Variants in CHSY3 observed in about 807,000 individuals in gnomAD.
CHSY3 encodes the protein chondroitin sulfate synthase 3.
Under a neutral mutation model 67.2 loss-of-function variants are expected in CHSY3, and 35 were observed. That is an observed-to-expected ratio of 0.52 (90% CI 0.40 to 0.69). CHSY3 has a LOEUF of 0.69. Among genes scored for constraint, CHSY3 ranks in the 30% least tolerant of loss-of-function variants. The pLI is 0.00. For missense variants in CHSY3, 1,069 were observed against 1,138.5 expected (o/e 0.94, Z 0.88); for synonymous variants, 474 against 434.7 (o/e 1.09, Z -1.12).
At chr5:130,066,718 A>G (rs1407346575) in intron 2 of CHSY3, among the ~76,000 whole-genome samples, 1 of 152,100 alleles carries the variant, frequency 6.6e-6, no homozygotes. Context: ...TAACTTTTCC[A>G]TGGAGAAAAT....
intron 2 of CHSY3, among the ~76,000 whole-genome samples, chr5:130,067,898 TGTA>T: frequency 6.6e-6 from 1 of 152,294 alleles, no homozygotes; most frequent in African/African-American, 2.4e-5. Flanking sequence ...CCAAAATAAA[TGTA>T]GAACTTTTTA....
intron 2 of CHSY3, among the ~76,000 whole-genome samples, chr5:130,050,767 C>T (rs999505283): frequency 1.3e-5 from 2 of 152,026 alleles, no homozygotes; most frequent in African/African-American, 4.8e-5. Context: ...TACTCATCTA[C>T]GCATACATAT....
chr5:130,057,180 T>C (rs897202604), intron 2 of CHSY3, among the ~76,000 whole-genome samples: 1 of 151,944 alleles, frequency 6.6e-6, no homozygotes, highest in African/African-American at 2.4e-5. Context: ...CACCTCAGCC[T>C]CCCAAAGTGC....
chr5:129,980,309 A>C (rs1007774855), intron 2 of CHSY3, among the ~76,000 whole-genome samples: 4 of 152,138 alleles, frequency 2.6e-5, no homozygotes, highest in Admixed American at 2.6e-4. Flanking sequence ...TTCTTGTTTT[A>C]ATTTGTATTT....
Position 130,134,381 on chromosome 5 carries a change from CA to C in CHSY3, c.1087-49841del, listed in dbSNP as rs566370065. 2.1e-3 allele frequency among the ~76,000 whole-genome samples: 321 copies of C among 152,068 alleles called. 1 individual carries two copies. Among genetic ancestry groups the C allele is most frequent in the African/African-American group, 6.8e-3 (281 of 41,476 alleles). On this transcript the variant is annotated intron_variant, in intron 2 of 2. Coordinates refer to ENST00000305031, the MANE Select transcript of CHSY3 (RefSeq NM_175856.5). Reference sequence around the variant, plus strand: ...AAAAGTAAGATATTTTGGTAGCACACAAAAAAAGTTTAGGATCATTTCTTTG... The same window carrying C: ...AAAAGTAAGATATTTTGGTAGCACACAAAAAAGTTTAGGATCATTTCTTTG...
chr5:130,000,902 T>TC (rs1255352981), intron 2 of CHSY3, among the ~76,000 whole-genome samples: 4 of 146,584 alleles, frequency 2.7e-5, no homozygotes, highest in African/African-American at 1.0e-4. Context: ...TTTTTTTTTT[T>TC]CTCCAAGACA....
At chr5:130,153,707 C>T (rs985860509) in intron 2 of CHSY3, among the ~76,000 whole-genome samples, 4 of 152,140 alleles carry the variant, frequency 2.6e-5, no homozygotes, top group African/African-American at 9.7e-5. Flanking sequence ...AGCACTGCTG[C>T]CAAGCCTCTG....
intron 2 of CHSY3, among the ~76,000 whole-genome samples, chr5:129,926,097 T>C (rs1761100626): frequency 6.6e-6 from 1 of 152,026 alleles, no homozygotes; most frequent in Non-Finnish European, 1.5e-5. Context: ...TATTCTGTCA[T>C]TGAGAGTTTC....
chr5:130,182,356 T>C (rs1770273651), intron 2 of CHSY3, among the ~76,000 whole-genome samples: 1 of 152,154 alleles, frequency 6.6e-6, no homozygotes, highest in Admixed American at 6.5e-5. Context: ...CTTCCTTTTT[T>C]CCTTATTTGT....
At chr5:130,041,501 C>G (rs999703380) in intron 2 of CHSY3, among the ~76,000 whole-genome samples, 1 of 152,038 alleles carries the variant, frequency 6.6e-6, no homozygotes, top group African/African-American at 2.4e-5. Context: ...CAAAAGTGAC[C>G]AGGAAGCCAC....
At chr5:130,072,593 A>G (rs749688755) in intron 2 of CHSY3, among the ~76,000 whole-genome samples, 10 of 152,112 alleles carry the variant, frequency 6.6e-5, no homozygotes, top group South Asian at 6.2e-4. Context: ...GAAGTATGGT[A>G]TGATGCCTCC....
At position 129,975,733 on chromosome 5, in the gene CHSY3, A is replaced by G. The variant is rs150326578; in HGVS notation, c.1086+67373A>G. Among the ~76,000 whole-genome samples the G allele has an allele frequency of 5.8e-3, 882 of 152,296 alleles. 4 individuals carry two copies. Among genetic ancestry groups the G allele is most frequent in the Non-Finnish European group, 8.7e-3 (594 of 68,014 alleles). ...GTAATGGAAAAATTACTTTTAAGCC[A>G]TCTTTACCATGGAATTTCTGTTTGG... On this transcript the variant is annotated intron_variant, in intron 2 of 2. Transcript: ENST00000305031.
rs545682891 is a variant in CHSY3 at position 130,026,504 on chromosome 5, G to T, written c.1086+118144G>T. On this transcript the variant is annotated intron_variant, in intron 2 of 2. Transcript: ENST00000305031. The stretch of plus-strand genomic sequence containing the variant: ...AAAAAATATTATTATGGACTCTCAG[G>T]TGGGATCTATAAATAGCAGTGATTT... Among the ~76,000 whole-genome samples the T allele has an allele frequency of 3.4e-4, 51 of 152,180 alleles. 1 individual carries two copies. The South Asian group carries it at 0.01, about 30-fold the overall frequency.
At chr5:129,909,832 AT>A (rs544014107) in intron 2 of CHSY3, among the ~76,000 whole-genome samples, 4 of 152,002 alleles carry the variant, frequency 2.6e-5, no homozygotes, top group African/African-American at 4.8e-5. Flanking sequence ...AAGTAAAAAA[AT>A]ATTTGTGTGG....
chr5:129,948,723 A>C (rs1254780698), intron 2 of CHSY3, among the ~76,000 whole-genome samples: 2 of 152,200 alleles, frequency 1.3e-5, no homozygotes, highest in Non-Finnish European at 1.5e-5. Flanking sequence ...TGCTGGATCA[A>C]ATGGTAGTTC....
chr5:130,144,186 T>C (rs1214407313), intron 2 of CHSY3, among the ~76,000 whole-genome samples: 1 of 151,868 alleles, frequency 6.6e-6, no homozygotes, highest in African/African-American at 2.4e-5. Flanking sequence ...AAACATCTAA[T>C]GACTTTTGAT....
intron 2 of CHSY3, among the ~76,000 whole-genome samples, chr5:130,049,408 C>T (rs1009272392): frequency 2.5e-4 from 38 of 151,952 alleles, no homozygotes; most frequent in African/African-American, 8.9e-4. Context: ...AAGCTCTTTC[C>T]CCTTTTATTT....
intron 2 of CHSY3, among the ~76,000 whole-genome samples, chr5:129,969,138 T>A (rs912629466): frequency 6.6e-6 from 1 of 151,982 alleles, no homozygotes; most frequent in Admixed American, 6.6e-5. Flanking sequence ...TGGAAGTAAA[T>A]TGATGCTGGT....
intron 2 of CHSY3, among the ~76,000 whole-genome samples, chr5:130,062,747 G>A (rs1350728642): frequency 6.6e-6 from 1 of 151,642 alleles, no homozygotes; most frequent in African/African-American, 2.4e-5. Context: ...CTATTAATTT[G>A]CATATTTGCC....
Sources: allele counts gnomAD v4.1 joint callset (sites outside exome capture counted in the v4.1 genomes callset), GRCh38; gene constraint gnomAD v4.1.1; transcripts MANE v1.5; gene names NCBI Gene and HGNC (gene_info 2026-07-23, HGNC 2026-07-21).